The following REC114 variants were observed in gnomAD, a reference collection of about 807,000 sequenced individuals.
REC114 encodes the protein meiotic recombination protein REC114.
In REC114, 27 loss-of-function variants were observed where a neutral mutation model predicts 31.3. The ratio of observed to expected loss-of-function variants is 0.86; its 90% confidence interval spans 0.64 to 1.19. The LOEUF is 1.19. Ranked by LOEUF, REC114 falls within the 50% of genes most tolerant of loss-of-function variation. The probability of loss-of-function intolerance (pLI) is 0.00; values close to 1 mark genes in which losing one functional copy is unlikely to be tolerated. For missense variants in REC114, 344 were observed against 326.9 expected, an observed-to-expected ratio of 1.05 and a Z score of -0.40; for synonymous variants, 134 against 127.7, an observed-to-expected ratio of 1.05 and a Z score of -0.33.
chr15:73,537,610 A>C (rs1894174962), intron 2 of REC114, among the ~76,000 whole-genome samples: 1 of 152,234 alleles, frequency 6.6e-6, no homozygotes, highest in African/African-American at 2.4e-5. Flanking sequence ...CCTCATTTTA[A>C]GTGATCAGTA....
intron 2 of REC114, among the ~76,000 whole-genome samples, chr15:73,506,774 A>G (rs1893683870): frequency 6.6e-6 from 1 of 152,248 alleles, no homozygotes; most frequent in South Asian, 2.1e-4. Context: ...TTTGAAGATT[A>G]AGAGCAATAC....
intron 2 of REC114, among the ~76,000 whole-genome samples, chr15:73,505,593 G>A (rs561074392): frequency 6.6e-6 from 1 of 151,774 alleles, no homozygotes; most frequent in South Asian, 2.1e-4. Context: ...GAGCAGTGGC[G>A]CGATCTCCGC....
chr15:73,495,632 G>C (rs1288292301), intron 2 of REC114, among the ~76,000 whole-genome samples: 1 of 151,722 alleles, frequency 6.6e-6, no homozygotes, highest in Admixed American at 6.6e-5. Flanking sequence ...ATAGTACTTA[G>C]CCAGACCTCT....
chr15:73,451,818 G>A (rs1045520244), intron 1 of REC114, among the ~76,000 whole-genome samples: 1 of 152,154 alleles, frequency 6.6e-6, no homozygotes, highest in Admixed American at 6.5e-5. Context: ...GGCATGCAAG[G>A]CTGGTTCAAT....
At chr15:73,508,428 T>G (rs1010451010) in intron 2 of REC114, among the ~76,000 whole-genome samples, 2 of 151,574 alleles carry the variant, frequency 1.3e-5, no homozygotes, top group African/African-American at 4.8e-5. Context: ...AGTTTCTTTT[T>G]TTTTTTTTCT....
chr15:73,444,492 C>T lies in REC114; in HGVS notation c.159+1148C>T, dbSNP rs184526556. Among the ~76,000 whole-genome samples, 181 of 152,318 alleles carry T rather than the reference C, an allele frequency of 1.2e-3. 2 individuals carry two copies. Among genetic ancestry groups the T allele is most frequent in the Admixed American group, 3.4e-3 (52 of 15,294 alleles). On this transcript the variant is annotated intron_variant, in intron 1 of 5. Coordinates refer to ENST00000331090, the MANE Select transcript of REC114 (RefSeq NM_001042367.2). Reference sequence around the variant, plus strand: ...CTTTGCTCATCCATAAAAAGCAACTCGTCATCTCTTCAAGTTTTATCGTAA... The same window carrying T: ...CTTTGCTCATCCATAAAAAGCAACTTGTCATCTCTTCAAGTTTTATCGTAA...
chr15:73,542,379 C>T (rs528998924), intron 3 of REC114, among the ~76,000 whole-genome samples: 18 of 151,678 alleles, frequency 1.2e-4, no homozygotes, highest in Non-Finnish European at 2.5e-4. Context: ...TAGAGACAGG[C>T]CCTTGCTAGC....
Position 73,461,899 on chromosome 15 carries a change from ATTTTTCTTTTTC to A in REC114, c.160-11922_160-11911del, listed in dbSNP as rs1303793925. Among the ~76,000 whole-genome samples, 35 of 110,626 alleles carry A rather than the reference ATTTTTCTTTTTC, an allele frequency of 3.2e-4. 1 individual carries two copies. The highest frequency in any genetic ancestry group is 5.3e-4 in the Non-Finnish European group (27 of 50,834). The allele number at this position is 110,626 out of a possible 152,430, so 72.6% of individuals were successfully genotyped here. ...TTATGATTTGGTCATTAGAGATAACATTTTTCTTTTTCTTTTTCTTTTCTTTTTTTTTTTTTT... is the reference window on the plus strand; with the variant it reads ...TTATGATTTGGTCATTAGAGATAACATTTTTCTTTTCTTTTTTTTTTTTTT... On this transcript the variant is annotated intron_variant, in intron 1 of 5. Transcript: ENST00000331090.
chr15:73,466,282 C>T (rs959632761), intron 1 of REC114, among the ~76,000 whole-genome samples: 6 of 151,448 alleles, frequency 4.0e-5, no homozygotes, highest in Admixed American at 2.0e-4. Flanking sequence ...CGACTGGGTT[C>T]GGTGGTGCAT....
In REC114 at chr15:73,540,500, A is replaced by G. The variant is rs774719862; in HGVS notation, c.265A>G (p.Ile89Val). 1.5e-5 allele frequency: 24 copies of G among 1,613,730 alleles called. No individual in the cohort carries two copies. The highest frequency in any genetic ancestry group is 1.9e-5 in the Non-Finnish European group (23 of 1,179,798). The change falls in exon 3 of 6, where the codon ATT (isoleucine) becomes GTT (valine). Residue 89 changes from isoleucine to valine, a missense_variant. Ile to Val is a conservative substitution (Grantham distance 29, BLOSUM62 3). Coordinates refer to ENST00000331090, the MANE Select transcript of REC114 (RefSeq NM_001042367.2). Reference sequence around the variant, plus strand: ...TTTGTTTCAGGAAGGGTTTTCACTCATTGGTAGCAAGGACTGGTTGAAGAT... The same window carrying G: ...TTTGTTTCAGGAAGGGTTTTCACTCGTTGGTAGCAAGGACTGGTTGAAGAT... ...GQTLLEGFSLIGSKDWLKIVR... is the reference protein window; with the variant it reads ...GQTLLEGFSLVGSKDWLKIVR...
chr15:73,513,678 C>T (rs933998437), intron 2 of REC114, among the ~76,000 whole-genome samples: 4 of 152,092 alleles, frequency 2.6e-5, no homozygotes, highest in Admixed American at 1.3e-4. Flanking sequence ...GGACCCTCAG[C>T]TGCAGGTCTG....
At chr15:73,493,670 C>T (rs1197969742) in intron 2 of REC114, among the ~76,000 whole-genome samples, 1 of 152,136 alleles carries the variant, frequency 6.6e-6, no homozygotes, top group Non-Finnish European at 1.5e-5. Flanking sequence ...GTTTACATTT[C>T]TGTTCATTGA....
At chr15:73,495,029 G>C (rs1029597190) in intron 2 of REC114, among the ~76,000 whole-genome samples, 1 of 152,028 alleles carries the variant, frequency 6.6e-6, no homozygotes, top group Non-Finnish European at 1.5e-5. Flanking sequence ...ACTAATTCCC[G>C]ACAATTTTTA....
Position 73,559,465 on chromosome 15 carries a change from T to TA in REC114, c.637-284dup, listed in dbSNP as rs374017209. On this transcript the variant is annotated intron_variant, in intron 5 of 5. Transcript: ENST00000331090. ...AGGTTATCAGCACAGTATTCTTCAT[T>TA]AAAGTAGAATCTCAACTTTGCAAAC... Among the ~76,000 whole-genome samples, 443 of 152,338 alleles carry TA rather than the reference T, an allele frequency of 2.9e-3. 2 individuals carry two copies. The highest frequency in any genetic ancestry group is 0.01 in the African/African-American group (423 of 41,574).
chr15:73,444,992 T>C (rs900520430), intron 1 of REC114, among the ~76,000 whole-genome samples: 1 of 152,166 alleles, frequency 6.6e-6, no homozygotes, highest in Non-Finnish European at 1.5e-5. Context: ...AAGAATCTTT[T>C]TTTCTGAGGA....
chr15:73,524,987 G>C (rs1595877371), intron 2 of REC114, among the ~76,000 whole-genome samples: 1 of 152,294 alleles, frequency 6.6e-6, no homozygotes, highest in Middle Eastern at 3.4e-3. Flanking sequence ...ATGAAACATG[G>C]CTTTACCAGT....
intron 2 of REC114, among the ~76,000 whole-genome samples, chr15:73,515,464 T>C: frequency 6.6e-6 from 1 of 152,230 alleles, no homozygotes; most frequent in Admixed American, 6.5e-5. Flanking sequence ...CAGACAACTC[T>C]TGTGGGCTTT....
chr15:73,558,210 C>T (rs1894501418), intron 5 of REC114, among the ~76,000 whole-genome samples: 1 of 152,176 alleles, frequency 6.6e-6, no homozygotes, highest in Non-Finnish European at 1.5e-5. Context: ...CTGTATATCC[C>T]AAGTAAGTTT....
intron 1 of REC114, among the ~76,000 whole-genome samples, chr15:73,467,544 G>A (rs759783947): frequency 6.6e-6 from 1 of 152,212 alleles, no homozygotes; most frequent in Non-Finnish European, 1.5e-5. Flanking sequence ...TGAAGTTCAA[G>A]TTCAGAGACT....
Sources: gnomAD v4.1 joint callset for allele counts (sites outside exome capture counted in the v4.1 genomes callset) on GRCh38, gnomAD v4.1.1 for gene constraint, MANE v1.5 for transcripts, NCBI Gene and HGNC (gene_info 2026-07-23, HGNC 2026-07-21) for gene names.